DMXL2: variants seen among roughly 807,000 people sequenced by gnomAD.
DMXL2 encodes the protein Dmx like 2.
DMXL2 carries 103 observed loss-of-function variants against 331.1 expected under a neutral mutation model. That is an observed-to-expected ratio of 0.31 (90% CI 0.27 to 0.37). The LOEUF (loss-of-function observed/expected upper bound fraction) is 0.37. Among genes scored for constraint, DMXL2 ranks in the 10% least tolerant of loss-of-function variants. DMXL2 has a pLI of 1.00. For synonymous variants in DMXL2, 1,281 were observed against 1,252.1 expected (o/e 1.02, Z -0.49); for missense variants, 3,171 against 3,642.9 (o/e 0.87, Z 3.33).
intron 15 of DMXL2, among the ~76,000 whole-genome samples, chr15:51,512,605 T>C (rs149203531): frequency 2.0e-5 from 3 of 152,074 alleles, no homozygotes; most frequent in Non-Finnish European, 4.4e-5. Context: ...AGGTCAGGAG[T>C]TCAAGACCAA....
Position 51,456,124 on chromosome 15 carries a change from A to T in DMXL2, c.8468T>A (p.Phe2823Tyr). The change falls in exon 39 of 44, where the codon TTT becomes TAT. Residue 2823 changes from phenylalanine (F) to tyrosine (Y), a missense_variant. By Grantham distance (22) the Phe-to-Tyr change is conservative (BLOSUM62 3). Around this residue, in one of 7 missense-constraint regions of DMXL2, gnomAD observed 766 missense variants for 940.5 expected, o/e 0.81. Coordinates refer to ENST00000560891, the MANE Select transcript of DMXL2 (RefSeq NM_001378457.1). ...EWTRPQQLVC[F>Y]RQAGNARVTR... ...AACTCTTGCATTGCCAGCTTGACGA[A>T]AGCAGACAAGTTGCTGAGGCCGCGT... The T allele has an allele frequency of 1.9e-6, 3 of 1,614,178 alleles. No homozygotes were observed. Among genetic ancestry groups the T allele is most frequent in the Non-Finnish European group, 2.5e-6 (3 of 1,180,026 alleles).
chr15:51,594,157 GAT>G (rs2052609937), intron 1 of DMXL2, among the ~76,000 whole-genome samples: 1 of 152,070 alleles, frequency 6.6e-6, no homozygotes, highest in Admixed American at 6.5e-5. Context: ...CAACAAAATT[GAT>G]AGACCACTAG....
intron 29 of DMXL2, among the ~76,000 whole-genome samples, chr15:51,469,160 G>C (rs936239042): frequency 6.6e-6 from 1 of 151,840 alleles, no homozygotes; most frequent in African/African-American, 2.4e-5. Context: ...GTGCTTCTGT[G>C]GGTGTAACAC....
intron 15 of DMXL2, among the ~76,000 whole-genome samples, chr15:51,509,785 A>G (rs2046640634): frequency 6.6e-6 from 1 of 152,218 alleles, no homozygotes; most frequent in Non-Finnish European, 1.5e-5. Context: ...ATCCCTGATG[A>G]ACATCAATGC....
chr15:51,502,335 T>C lies in DMXL2; in HGVS notation c.2992+471A>G, dbSNP rs578213713. Among the ~76,000 whole-genome samples the C allele has an allele frequency of 8.8e-4, 134 of 151,624 alleles. 1 individual carries two copies. Among genetic ancestry groups the C allele is most frequent in the African/African-American group, 3.1e-3 (130 of 41,330 alleles). Reference sequence around the variant, plus strand: ...GTGTGTGTGTGTGTGTGTGTGTGTGTGTGTATGGAGTCTCACTGTGTCGCC... The same window carrying C: ...GTGTGTGTGTGTGTGTGTGTGTGTGCGTGTATGGAGTCTCACTGTGTCGCC... On this transcript the variant is annotated intron_variant, in intron 17 of 43. Transcript: ENST00000560891.
chr15:51,469,276 G>A (rs1016788191), intron 29 of DMXL2, among the ~76,000 whole-genome samples: 1 of 151,806 alleles, frequency 6.6e-6, no homozygotes, highest in Non-Finnish European at 1.5e-5. Context: ...CAAAGTAGTG[G>A]GGAGAGGTAT....
At chr15:51,574,279 T>A (rs1326606331) in intron 2 of DMXL2, among the ~76,000 whole-genome samples, 1 of 152,108 alleles carries the variant, frequency 6.6e-6, no homozygotes, top group Non-Finnish European at 1.5e-5. Context: ...CCACAGCCTG[T>A]TTTCCAATAA....
intron 1 of DMXL2, among the ~76,000 whole-genome samples, chr15:51,592,111 C>A (rs2052400699): frequency 6.6e-6 from 1 of 152,006 alleles, no homozygotes; most frequent in Non-Finnish European, 1.5e-5. Flanking sequence ...GACGATCAAA[C>A]TACTCCGAGC....
At chr15:51,615,099 G>A (rs2054209799) in intron 1 of DMXL2, among the ~76,000 whole-genome samples, 1 of 152,186 alleles carries the variant, frequency 6.6e-6, no homozygotes, top group South Asian at 2.1e-4. Flanking sequence ...AGATTACAAG[G>A]AAAGTAAAGA....
chr15:51,622,030 G>C (rs1161402421), intron 1 of DMXL2, among the ~76,000 whole-genome samples: 1 of 152,140 alleles, frequency 6.6e-6, no homozygotes, highest in African/African-American at 2.4e-5. Context: ...CACGCTCCGA[G>C]ACCAACACCA....
intron 32 of DMXL2, 42 bp downstream of exon 32, chr15:51,464,633 G>C: frequency 6.4e-7 from 1 of 1,563,086 alleles, no homozygotes; most frequent in Non-Finnish European, 8.8e-7. Flanking sequence ...TTCCAGAAAA[G>C]TTAAGCTACG....
chr15:51,562,205 G>GT (rs1567120780), intron 6 of DMXL2, among the ~76,000 whole-genome samples: 1 of 152,088 alleles, frequency 6.6e-6, no homozygotes, highest in East Asian at 1.9e-4. Context: ...CATTACGCAT[G>GT]TATCAAAATA....
chr15:51,479,855 A>T, intron 25 of DMXL2, 93 bp downstream of exon 25: 1 of 964,488 alleles, frequency 1.0e-6, no homozygotes, highest in Non-Finnish European at 1.4e-6. Context: ...TAGCACTTTG[A>T]AATATTTCCC....
At chr15:51,557,462 C>CGGG (rs2049674662) in intron 6 of DMXL2, among the ~76,000 whole-genome samples, 12 of 152,150 alleles carry the variant, frequency 7.9e-5, no homozygotes, top group African/African-American at 2.9e-4. Flanking sequence ...AACTGACCTA[C>CGGG]ACAGTCAATG....
intron 7 of DMXL2, among the ~76,000 whole-genome samples, chr15:51,545,975 G>A (rs796892622): frequency 2.6e-5 from 4 of 152,094 alleles, no homozygotes; most frequent in South Asian, 4.1e-4. Flanking sequence ...AGAAATTACT[G>A]CCAGATTATA....
At chr15:51,469,599 A>G (rs994052862) in intron 29 of DMXL2, among the ~76,000 whole-genome samples, 1 of 152,140 alleles carries the variant, frequency 6.6e-6, no homozygotes, top group Non-Finnish European at 1.5e-5. Context: ...CTTCTTTATA[A>G]TATTTTGCAT....
At chr15:51,467,475 C>T (rs954241828) in intron 29 of DMXL2, among the ~76,000 whole-genome samples, 1 of 151,928 alleles carries the variant, frequency 6.6e-6, no homozygotes, top group African/African-American at 2.4e-5. Flanking sequence ...AGAATATGAA[C>T]AGTCAATACC....
At chr15:51,554,124 A>C (rs2049397485) in intron 6 of DMXL2, among the ~76,000 whole-genome samples, 1 of 152,244 alleles carries the variant, frequency 6.6e-6, no homozygotes, top group South Asian at 2.1e-4. Flanking sequence ...AGCTGACATC[A>C]GCAATGATTA....
In DMXL2 at chr15:51,465,594, G is replaced by T. The variant is rs1388160801; in HGVS notation, c.7578C>A (p.Phe2526Leu). The T allele has an allele frequency of 6.2e-7, 1 of 1,607,546 alleles. No individual in the cohort carries two copies. The highest frequency in any genetic ancestry group is 1.7e-5 in the Admixed American group (1 of 58,674). ...VKLALHNVKN[F>L]FPIAGLEFSE... ...AGAATTCCAGTCCAGCAATAGGAAA[G>T]AAATTCTTGACATTGTGAAGTGCTA... Residue 2526 changes from phenylalanine to leucine, a missense_variant, in exon 31 of 44, where the codon TTC (phenylalanine) becomes TTA (leucine). Physicochemically the swap from Phe to Leu is conservative, Grantham distance 22 (BLOSUM62 0). Coordinates refer to ENST00000560891, the MANE Select transcript of DMXL2 (RefSeq NM_001378457.1).
Sources: allele counts gnomAD v4.1 joint callset (sites outside exome capture counted in the v4.1 genomes callset), GRCh38; gene constraint gnomAD v4.1.1; regional missense constraint gnomAD v4.1.1; transcripts MANE v1.5; gene names NCBI Gene and HGNC (gene_info 2026-07-23, HGNC 2026-07-21).